Variants in RSPO3 observed in about 807,000 individuals in gnomAD.
The protein encoded by RSPO3 is R-spondin-3.
RSPO3 carries 17 observed loss-of-function variants against 36.5 expected under a neutral mutation model. The ratio of observed to expected loss-of-function variants is 0.47; its 90% CI spans 0.32 to 0.70. The LOEUF (loss-of-function observed/expected upper bound fraction) is 0.70, where lower values mean the gene tolerates loss of function less well. RSPO3 is among the 30% of genes least tolerant of loss of function. RSPO3 has a pLI of 0.04. For synonymous variants in RSPO3, 108 were observed against 107.0 expected, an observed-to-expected ratio of 1.01 and a Z score of -0.06; for missense variants, 294 against 322.5, an observed-to-expected ratio of 0.91 and a Z score of 0.68.
chr6:127,164,622 G>C (rs1330835957), intron 4 of RSPO3, among the ~76,000 whole-genome samples: 1 of 151,972 alleles, frequency 6.6e-6, no homozygotes, highest in Non-Finnish European at 1.5e-5. Context: ...ATTGAATTGT[G>C]CAGGCTTAAG....
intron 4 of RSPO3, among the ~76,000 whole-genome samples, chr6:127,191,541 G>T (rs1333397355): frequency 6.6e-6 from 1 of 152,150 alleles, no homozygotes; most frequent in Non-Finnish European, 1.5e-5. Context: ...AATAATTTCA[G>T]AATCTTAAAA....
chr6:127,160,812 C>T (rs931083089), intron 4 of RSPO3, among the ~76,000 whole-genome samples: 1 of 152,146 alleles, frequency 6.6e-6, no homozygotes, highest in African/African-American at 2.4e-5. Flanking sequence ...ACCCTGCCTC[C>T]AGAGTCAAGT....
chr6:127,149,576 T>C (rs1217196783), intron 2 of RSPO3, among the ~76,000 whole-genome samples: 1 of 152,080 alleles, frequency 6.6e-6, no homozygotes, highest in Non-Finnish European at 1.5e-5. Flanking sequence ...CAGAGAGACA[T>C]TCCATGATCA....
intron 3 of RSPO3, 51 bp from the exon 4 acceptor site, chr6:127,155,190 A>T (rs1774568266): frequency 6.4e-7 from 1 of 1,556,108 alleles, no homozygotes; most frequent in African/African-American, 1.4e-5. Flanking sequence ...ACTCAACAAT[A>T]GTGAAAGTGG....
chr6:127,159,297 C>A (rs1774658385), intron 4 of RSPO3, among the ~76,000 whole-genome samples: 1 of 151,936 alleles, frequency 6.6e-6, no homozygotes, highest in Non-Finnish European at 1.5e-5. Context: ...AAATTTTGTT[C>A]TTTGGTTAGT....
At chr6:127,131,153 G>A (rs564357190) in intron 1 of RSPO3, among the ~76,000 whole-genome samples, 7 of 152,080 alleles carry the variant, frequency 4.6e-5, no homozygotes, top group Non-Finnish European at 1.0e-4. Flanking sequence ...GTATCACATA[G>A]ATGCATACTT....
chr6:127,155,249 G>C lies in RSPO3; in HGVS notation c.445G>C (p.Glu149Gln), dbSNP rs1461048839. The change falls in exon 4 of 5, where the codon GAG becomes CAG. Residue 149 changes from glutamate (E) to glutamine (Q), a missense_variant. Around this residue, in one of 3 missense-constraint regions of RSPO3, gnomAD observed 190 missense variants for 185.2 expected, o/e 1.03. Coordinates refer to ENST00000356698, the MANE Select transcript of RSPO3 (RefSeq NM_032784.5). ...TMECVSIVHCEVSEWNPWSPC... is the reference protein window; with the variant it reads ...TMECVSIVHCQVSEWNPWSPC... ...CTTCTGTTCTGTTTCAGTGCACTGT[G>C]AGGTCAGTGAATGGAATCCTTGGAG... 1 of 1,613,618 alleles carries C rather than the reference G, an allele frequency of 6.2e-7. No homozygotes were observed. Among genetic ancestry groups the C allele is most frequent in the Non-Finnish European group, 8.5e-7 (1 of 1,179,742 alleles).
chr6:127,140,301 T>G (rs1278703127), intron 1 of RSPO3, among the ~76,000 whole-genome samples: 1 of 152,194 alleles, frequency 6.6e-6, no homozygotes, highest in Non-Finnish European at 1.5e-5. Context: ...CTTATGACCT[T>G]TCATGTATTT....
chr6:127,180,482 G>GAA (rs377500515), intron 4 of RSPO3, among the ~76,000 whole-genome samples: 1 of 3,806 alleles, frequency 2.6e-4, no homozygotes, highest in East Asian at 7.1e-3. Flanking sequence ...ATATCTGGAA[G>GAA]AAAACAAAAA....
At chr6:127,162,258 T>C (rs1387848558) in intron 4 of RSPO3, among the ~76,000 whole-genome samples, 1 of 152,140 alleles carries the variant, frequency 6.6e-6, no homozygotes, top group Non-Finnish European at 1.5e-5. Context: ...CAGGAGAAGG[T>C]GCAAACTTAC....
intron 2 of RSPO3, among the ~76,000 whole-genome samples, chr6:127,149,090 T>C (rs1774441070): frequency 6.6e-6 from 1 of 152,122 alleles, no homozygotes; most frequent in Non-Finnish European, 1.5e-5. Flanking sequence ...TTATTGCTCA[T>C]TGAACCTATA....
chr6:127,190,876 G>C (rs963599198), intron 4 of RSPO3, among the ~76,000 whole-genome samples: 1 of 152,092 alleles, frequency 6.6e-6, no homozygotes, highest in Middle Eastern at 3.2e-3. Flanking sequence ...TAATTTAAGT[G>C]GTTCTCAATA....
chr6:127,135,416 TAAA>T (rs35739572), intron 1 of RSPO3, among the ~76,000 whole-genome samples: 4,851 of 95,260 alleles, frequency 0.051, 219 homozygotes, highest in African/African-American at 0.18. Flanking sequence ...TGAGAATCCA[TAAA>T]AAAAAAAAAA....
chr6:127,122,988 CATA>C (rs1297605090), intron 1 of RSPO3, among the ~76,000 whole-genome samples: 2 of 151,888 alleles, frequency 1.3e-5, no homozygotes, highest in Non-Finnish European at 2.9e-5. Context: ...CCATTATATG[CATA>C]ATAATTTAAA....
intron 4 of RSPO3, among the ~76,000 whole-genome samples, chr6:127,160,621 T>A (rs1289022046): frequency 6.6e-6 from 1 of 152,196 alleles, no homozygotes; most frequent in Non-Finnish European, 1.5e-5. Flanking sequence ...ATGCAGAAAT[T>A]TCTAGGAGAA....
At chr6:127,166,676 A>G (rs1376302902) in intron 4 of RSPO3, among the ~76,000 whole-genome samples, 2 of 152,146 alleles carry the variant, frequency 1.3e-5, no homozygotes, top group East Asian at 3.9e-4. Context: ...CATTTGATGG[A>G]TAAACCAAAG....
At position 127,185,401 on chromosome 6, in the gene RSPO3, G is replaced by A. The variant is rs537319168; in HGVS notation, c.635-10422G>A. On this transcript the variant is annotated intron_variant, in intron 4 of 4. Transcript: ENST00000356698. ...GTAGAGGTTGAGTGGGGTTTTCTAT[G>A]TTTTTCAAACTAGTTAAGAAACCAG... 5.9e-5 allele frequency among the ~76,000 whole-genome samples: 9 copies of A among 151,914 alleles called. No homozygotes were observed. The East Asian group carries it at 1.7e-3, about 29-fold the overall frequency.
At chr6:127,162,741 T>C (rs566968246) in intron 4 of RSPO3, among the ~76,000 whole-genome samples, 154 of 152,306 alleles carry the variant, frequency 1.0e-3, no homozygotes, top group African/African-American at 3.5e-3. Context: ...TCAGCCCTTT[T>C]GTAAGCATAC....
intron 4 of RSPO3, among the ~76,000 whole-genome samples, chr6:127,180,506 A>C (rs868780248): frequency 3.4e-4 from 51 of 150,024 alleles, no homozygotes; most frequent in Non-Finnish European, 5.4e-4. Flanking sequence ...AAAAAAAAAA[A>C]AAAAAAAAAC....
Sources: gnomAD v4.1 joint callset for allele counts (sites outside exome capture counted in the v4.1 genomes callset) on GRCh38, gnomAD v4.1.1 for gene constraint, gnomAD v4.1.1 regional missense constraint, MANE v1.5 for transcripts, NCBI Gene and HGNC (gene_info 2026-07-23, HGNC 2026-07-21) for gene names.